NAA16: variants seen among roughly 807,000 people sequenced by gnomAD.
NAA16 encodes NARG1-like protein.
NAA16 carries 97 observed loss-of-function variants against 110.3 expected under a neutral mutation model. The observed-to-expected ratio is 0.88, with a 90% CI of 0.75 to 1.04. The LOEUF is 1.04. Ranked by LOEUF, NAA16 falls within the 50% of genes least tolerant of loss-of-function variation. NAA16 has a pLI of 0.00. For missense variants in NAA16, 1,017 were observed against 1,005.1 expected, an observed-to-expected ratio of 1.01 and a Z score of -0.16; for synonymous variants, 372 against 330.6, an observed-to-expected ratio of 1.13 and a Z score of -1.36.
At chr13:41,335,861 T>G (rs77774642) in intron 8 of NAA16, among the ~76,000 whole-genome samples, 31 of 750 alleles carry the variant, frequency 0.041, no homozygotes, top group African/African-American at 0.27. Context: ...ATACATGTGT[T>G]TTTTTTTTTT....
At chr13:41,338,572 G>C (rs2042445146) in intron 9 of NAA16, among the ~76,000 whole-genome samples, 1 of 152,156 alleles carries the variant, frequency 6.6e-6, no homozygotes, top group South Asian at 2.1e-4. Flanking sequence ...TTAAACTGCA[G>C]AAAATTGAGC....
rs751333853 is a variant in NAA16, at chr13:41,323,057, A to G, written c.404A>G (p.Glu135Gly). 6.2e-7 allele frequency: 1 copy of G among 1,612,164 alleles called. No homozygotes were observed. The highest frequency in any genetic ancestry group is 2.2e-5 in the East Asian group (1 of 44,854). Reference sequence around the variant, plus strand: ...AGCAAGTTAAAACTTTTTTTTTAGGAGACAAGATACCAGCTTCTTCAGTTG... The same window carrying G: ...AGCAAGTTAAAACTTTTTTTTTAGGGGACAAGATACCAGCTTCTTCAGTTG... Reference protein sequence around the residue: ...IQMRDLEGYRETRYQLLQLRP... With the variant: ...IQMRDLEGYRGTRYQLLQLRP... Residue 135 changes from glutamate to glycine, a missense_variant and splice_region_variant, in exon 5 of 20, where the codon GAG (glutamate) becomes GGG (glycine). Coordinates refer to ENST00000379406, the MANE Select transcript of NAA16 (RefSeq NM_024561.5).
At chr13:41,321,277 A>G (rs996095578) in intron 4 of NAA16, among the ~76,000 whole-genome samples, 10 of 152,264 alleles carry the variant, frequency 6.6e-5, no homozygotes, top group African/African-American at 1.9e-4. Flanking sequence ...AGCCTGGGCA[A>G]GAGAGCAAGA....
In NAA16 at chr13:41,376,849, CTG is replaced by C. The variant is rs1172707638; in HGVS notation, c.*1249_*1250del. ...CATGTTCAGAACCTTGTAAATATGT[CTG>C]TAATATTAATGCTTCCCTTTATTAA... On this transcript the variant is annotated 3_prime_UTR_variant, in exon 20 of 20. Coordinates refer to ENST00000379406, the MANE Select transcript of NAA16 (RefSeq NM_024561.5). 9 of 152,054 alleles carry C rather than the reference CTG, an allele frequency of 5.9e-5. No homozygotes were observed. The highest frequency in any genetic ancestry group is 5.9e-4 in the Admixed American group (9 of 15,244). The allele number at this position is 152,054 out of a possible 1,614,324, so 9.4% of individuals were successfully genotyped here.
At position 41,331,337 on chromosome 13, in the gene NAA16, C is replaced by T. The variant is rs2042232707; in HGVS notation, c.875C>T (p.Thr292Ile). ...EISKQHPKAI[T>I]PRRLPLTLVP... ...AGTAAGCAGCACCCCAAAGCAATTA[C>T]ACCCAGAAGATTACCTTTGACTCTT... Residue 292 changes from threonine (T) to isoleucine (I), a missense_variant, in exon 8 of 20, where the codon ACA (threonine) becomes ATA (isoleucine). Coordinates refer to ENST00000379406, the MANE Select transcript of NAA16 (RefSeq NM_024561.5). The T allele has an allele frequency of 6.2e-7, 1 of 1,608,974 alleles. No homozygotes were observed.
intron 9 of NAA16, among the ~76,000 whole-genome samples, chr13:41,349,989 A>C (rs2042785484): frequency 6.7e-6 from 1 of 150,008 alleles, no homozygotes; most frequent in Non-Finnish European, 1.5e-5. Flanking sequence ...CAAACATGAA[A>C]CCAAAATGTG....
At position 41,373,690 on chromosome 13, in the gene NAA16, A is replaced by G. The variant is rs756447583; in HGVS notation, c.2209A>G (p.Met737Val). 2.5e-6 allele frequency: 4 copies of G among 1,611,916 alleles called. No individual in the cohort carries two copies. The South Asian group carries it at 4.4e-5, about 18-fold the overall frequency. ...DIVSKVLSQE[M>V]QKIFVKKDLE... ...TGTGAGCAAAGTTCTATCTCAAGAAATGCAGAAAATATTTGTCAAAAAGGA... is the reference window on the plus strand; with the variant it reads ...TGTGAGCAAAGTTCTATCTCAAGAAGTGCAGAAAATATTTGTCAAAAAGGA... Residue 737 changes from methionine (M) to valine (V), a missense_variant, in exon 18 of 20, where the codon ATG (methionine) becomes GTG (valine). Transcript: ENST00000379406.
intron 2 of NAA16, among the ~76,000 whole-genome samples, chr13:41,318,222 T>A (rs574992332): frequency 4.0e-5 from 6 of 149,712 alleles, no homozygotes; most frequent in Non-Finnish European, 5.9e-5. Flanking sequence ...TTTTTTTTTT[T>A]AAGACAGAGT....
intron 1 of NAA16, among the ~76,000 whole-genome samples, chr13:41,313,976 C>A (rs181900337): frequency 6.6e-6 from 1 of 152,064 alleles, no homozygotes; most frequent in East Asian, 1.9e-4. Flanking sequence ...CGTGCCTCAG[C>A]CTCCTGAGTA....
chr13:41,312,996 C>T (rs1277954767), intron 1 of NAA16, among the ~76,000 whole-genome samples: 2 of 150,246 alleles, frequency 1.3e-5, no homozygotes, highest in African/African-American at 4.9e-5. Context: ...TTTTTTTTTG[C>T]CCTGGGAATC....
At chr13:41,346,545 T>C (rs1377205146) in intron 9 of NAA16, among the ~76,000 whole-genome samples, 2 of 152,098 alleles carry the variant, frequency 1.3e-5, no homozygotes, top group Non-Finnish European at 2.9e-5. Context: ...GCTACTGCCT[T>C]CATCGAGGTT....
rs573245609 is a variant in NAA16, at chr13:41,375,565, A to G, written c.2558A>G (p.His853Arg). The G allele has an allele frequency of 2.5e-5, 40 of 1,613,978 alleles. No homozygotes were observed. The highest frequency in any genetic ancestry group is 3.3e-4 in the Middle Eastern group (2 of 6,058). ...GACAATCCTAATGTGGCACTGAACCATACAGCTAATTATGATGTCTTGGCA... is the reference window on the plus strand; with the variant it reads ...GACAATCCTAATGTGGCACTGAACCGTACAGCTAATTATGATGTCTTGGCA... ...EVDNPNVALN[H>R]TANYDVLANE... Residue 853 changes from histidine (H) to arginine (R), a missense_variant, in exon 20 of 20, where the codon CAT (histidine) becomes CGT (arginine). Coordinates refer to ENST00000379406, the MANE Select transcript of NAA16 (RefSeq NM_024561.5).
At chr13:41,374,145 T>C (rs567576842) in intron 18 of NAA16, among the ~76,000 whole-genome samples, 2 of 152,042 alleles carry the variant, frequency 1.3e-5, no homozygotes, top group Admixed American at 6.5e-5. Flanking sequence ...ATTTTTCTTT[T>C]TTTTTTTTTT....
intron 19 of NAA16, among the ~76,000 whole-genome samples, chr13:41,375,046 G>A (rs138895124): frequency 6.6e-6 from 1 of 152,292 alleles, no homozygotes; most frequent in African/African-American, 2.4e-5. Context: ...TACTAGTGCT[G>A]TCACAGAATC....
chr13:41,336,083 C>T (rs545052484), intron 8 of NAA16, among the ~76,000 whole-genome samples: 1 of 152,140 alleles, frequency 6.6e-6, no homozygotes, highest in African/African-American at 2.4e-5. Flanking sequence ...TTAGAATGCC[C>T]ATGGCTCAGT....
intron 13 of NAA16, chr13:41,362,412 T>C (rs1315254088): frequency 2.6e-6 from 1 of 382,596 alleles, no homozygotes; most frequent in East Asian, 6.1e-5. Flanking sequence ...ATTATTGCTA[T>C]TAACATAAAT....
Position 41,328,715 on chromosome 13 carries a change from T to G in NAA16, c.692-9T>G. 1 of 1,599,434 alleles carries G rather than the reference T, an allele frequency of 6.3e-7. No individual in the cohort carries two copies. Among genetic ancestry groups the G allele is most frequent in the Non-Finnish European group, 8.5e-7 (1 of 1,170,672 alleles). ...TTTAAAATGAATATGTCTTTAAACT[T>G]AATTTCAGGGGAAATACTGTTGAAA... On this transcript the variant is annotated splice_polypyrimidine_tract_variant and intron_variant, in intron 6 of 19. Coordinates refer to ENST00000379406, the MANE Select transcript of NAA16 (RefSeq NM_024561.5).
intron 9 of NAA16, among the ~76,000 whole-genome samples, chr13:41,348,800 G>GT: frequency 6.6e-6 from 1 of 152,008 alleles, no homozygotes; most frequent in East Asian, 1.9e-4. Flanking sequence ...TTTGTGGGTA[G>GT]TTTTTTATTA....
rs1329076874 is a variant in NAA16 at position 41,376,890 on chromosome 13, T to G, written c.*1288T>G. ...TCCCTTTATTAAGACAAATATACAT[T>G]CAAAAAGGGAGATTTTATTTAGACA... On this transcript the variant is annotated 3_prime_UTR_variant, in exon 20 of 20. Coordinates refer to ENST00000379406, the MANE Select transcript of NAA16 (RefSeq NM_024561.5). The G allele has an allele frequency of 6.6e-6, 1 of 152,158 alleles. No homozygotes were observed. Among genetic ancestry groups the G allele is most frequent in the Non-Finnish European group, 1.5e-5 (1 of 68,018 alleles). 9.4% of individuals were successfully genotyped at this position (152,158 alleles called of 1,614,324 possible).
Sources: gnomAD v4.1 joint callset for allele counts (sites outside exome capture counted in the v4.1 genomes callset) on GRCh38, gnomAD v4.1.1 for gene constraint, MANE v1.5 for transcripts, NCBI Gene and HGNC (gene_info 2026-07-23, HGNC 2026-07-21) for gene names.